The following AGO2 variants were observed in gnomAD, a reference collection of about 807,000 sequenced individuals.
The protein encoded by AGO2 is protein argonaute-2.
A neutral mutation model predicts 102.3 loss-of-function variants in AGO2; 5 were observed. The ratio of observed to expected loss-of-function variants is 0.05; its 90% CI spans 0.03 to 0.10. AGO2 has a LOEUF of 0.10. Ranked by LOEUF, AGO2 falls within the 10% of genes least tolerant of loss-of-function variation. AGO2 has a pLI of 1.00. For synonymous variants in AGO2, 449 were observed against 473.1 expected, an observed-to-expected ratio of 0.95 and a Z score of 0.66; for missense variants, 541 against 1,183.7, an observed-to-expected ratio of 0.46 and a Z score of 7.97.
intron 2 of AGO2, among the ~76,000 whole-genome samples, chr8:140,576,254 C>T (rs1443098862): frequency 2.6e-5 from 4 of 152,288 alleles, no homozygotes; most frequent in South Asian, 4.1e-4. Flanking sequence ...GCAGAGGTTG[C>T]AGTGAGCCGA....
chr8:140,553,558 G>T (rs1294281112), intron 10 of AGO2, among the ~76,000 whole-genome samples: 2 of 140,608 alleles, frequency 1.4e-5, no homozygotes, highest in African/African-American at 5.3e-5. Context: ...TACAGGCATA[G>T]GCCACCACAC....
In AGO2 at chr8:140,530,076, A is replaced by AT. The variant is rs2072562975; in HGVS notation, c.*1967dup. 7.2e-6 allele frequency: 1 copy of AT among 138,234 alleles called. No individual in the cohort carries two copies. The highest frequency in any genetic ancestry group is 7.1e-5 in the Admixed American group (1 of 14,114). 8.6% of individuals were successfully genotyped at this position (138,234 alleles called of 1,614,324 possible). On this transcript the variant is annotated 3_prime_UTR_variant, in exon 19 of 19. Transcript: ENST00000220592. ...ATTTCTTAGAGTGGGAGCTTCTGTC[A>AT]TTTAAAAAGATTAAAAAAAAATACA...
intron 1 of AGO2, among the ~76,000 whole-genome samples, chr8:140,624,309 G>A (rs190198426): frequency 2.6e-5 from 4 of 152,292 alleles, no homozygotes; most frequent in South Asian, 2.1e-4. Flanking sequence ...CAAGCAGGGC[G>A]AGTCCCCATT....
At chr8:140,585,810 T>C (rs1250647556) in intron 1 of AGO2, among the ~76,000 whole-genome samples, 1 of 152,200 alleles carries the variant, frequency 6.6e-6, no homozygotes, top group African/African-American at 2.4e-5. Flanking sequence ...TTCACTCAAA[T>C]GTCTGTTTAA....
rs1222192672 is a variant in AGO2 at position 140,529,629 on chromosome 8, C to CCCAGTCTG, written c.*2407_*2414dup. 1 of 152,196 alleles carries CCCAGTCTG rather than the reference C, an allele frequency of 6.6e-6. No homozygotes were observed. The highest frequency in any genetic ancestry group is 1.5e-5 in the Non-Finnish European group (1 of 68,044). 9.4% of individuals were successfully genotyped at this position (152,196 alleles called of 1,614,324 possible). Reference sequence around the variant, plus strand: ...AATTGTAGTCCTACTTTTCTGCCAGCCCAGTCTGTCTCAGGCATCTGCTCA... The same window carrying CCCAGTCTG: ...AATTGTAGTCCTACTTTTCTGCCAGCCCAGTCTGCCAGTCTGTCTCAGGCATCTGCTCA... On this transcript the variant is annotated 3_prime_UTR_variant, in exon 19 of 19. Transcript: ENST00000220592.
At chr8:140,564,224 C>T (rs573492593) in intron 3 of AGO2, among the ~76,000 whole-genome samples, 4 of 151,944 alleles carry the variant, frequency 2.6e-5, no homozygotes, top group African/African-American at 9.7e-5. Flanking sequence ...ACAGGGGATG[C>T]AGCACAGCTG....
upstream of AGO2, chr8:140,637,252 A>T (rs953420434): frequency 6.6e-6 from 1 of 152,222 alleles, no homozygotes; most frequent in Admixed American, 6.5e-5. Context: ...ATGCAACCTC[A>T]TCAATCTTCC....
intron 1 of AGO2, among the ~76,000 whole-genome samples, chr8:140,613,374 CATTT>C (rs757435117): frequency 8.5e-5 from 13 of 152,214 alleles, no homozygotes; most frequent in Non-Finnish European, 1.5e-4. Flanking sequence ...TTCATAAAAA[CATTT>C]ATATGAATAC....
chr8:140,607,458 TTATA>T (rs1167371585), intron 1 of AGO2, among the ~76,000 whole-genome samples: 181 of 69,438 alleles, frequency 2.6e-3, no homozygotes, highest in South Asian at 3.3e-3. Flanking sequence ...TAAAGAAAAA[TTATA>T]TATATATATA....
rs1454816152 is a variant in AGO2 at position 140,560,515 on chromosome 8, A to G, written c.519-5T>C. On this transcript the variant is annotated splice_region_variant and splice_polypyrimidine_tract_variant and intron_variant, in intron 4 of 18. Transcript: ENST00000220592. ...GAGCGGCCCACGGGGGTGTACCTGG[A>G]ACCAAGAGACCCCACCCCGCCTCCC... is the stretch of plus-strand genomic sequence containing the variant. The G allele has an allele frequency of 3.1e-6, 5 of 1,609,556 alleles. No individual in the cohort carries two copies. In the South Asian group the frequency reaches 5.5e-5, roughly 18 times the overall value.
chr8:140,639,472 C>T (rs1473401545), upstream of AGO2, among the ~76,000 whole-genome samples: 1 of 105,290 alleles, frequency 9.5e-6, no homozygotes, highest in Non-Finnish European at 1.9e-5. Flanking sequence ...CAGAGCGAAA[C>T]TCCATCTGAA....
chr8:140,591,335 T>C (rs2073743757), intron 1 of AGO2, among the ~76,000 whole-genome samples: 1 of 152,120 alleles, frequency 6.6e-6, no homozygotes, highest in African/African-American at 2.4e-5. Context: ...GCAGGGGCTG[T>C]AGAAGGTGCT....
chr8:140,639,921 A>G (rs192268005), upstream of AGO2, among the ~76,000 whole-genome samples: 99 of 152,290 alleles, frequency 6.5e-4, no homozygotes, highest in African/African-American at 2.3e-3. Context: ...GTCTGAATAC[A>G]GGCCACACCT....
At chr8:140,580,017 C>CTCGCAGCCCACCTCCTCT (rs2073530568) in intron 2 of AGO2, among the ~76,000 whole-genome samples, 1 of 152,276 alleles carries the variant, frequency 6.6e-6, no homozygotes, top group African/African-American at 2.4e-5. Context: ...CCACCTCCTC[C>CTCGCAGCCCACCTCCTCT]TCGCAGCCCA....
intron 3 of AGO2, among the ~76,000 whole-genome samples, chr8:140,568,239 G>A (rs1414999932): frequency 3.5e-5 from 5 of 144,126 alleles, no homozygotes; most frequent in African/African-American, 5.2e-5. Flanking sequence ...AGCTGACATC[G>A]TGCTACTGCA....
In AGO2 at chr8:140,540,440, C is replaced by T. The variant is rs974788448; in HGVS notation, c.2034+724G>A. On this transcript the variant is annotated intron_variant, in intron 15 of 18. Coordinates refer to ENST00000220592, the MANE Select transcript of AGO2 (RefSeq NM_012154.5). This position sits in a 1 kb window ranked among gnomAD's most constrained non-coding sequence, Gnocchi z 5.0. ...CCAAGGAAGCGACCGTGTGGCATGGCGAGGGGTGGGGAGGAATCGGCTCTA... is the reference window on the plus strand; with the variant it reads ...CCAAGGAAGCGACCGTGTGGCATGGTGAGGGGTGGGGAGGAATCGGCTCTA... Among the ~76,000 whole-genome samples the T allele has an allele frequency of 1.3e-5, 2 of 152,144 alleles. No individual in the cohort carries two copies. The highest frequency in any genetic ancestry group is 1.5e-5 in the Non-Finnish European group (1 of 68,010).
At chr8:140,572,789 C>T in intron 3 of AGO2, 23 bp downstream of exon 3, 2 of 1,606,182 alleles carry the variant, frequency 1.2e-6, no homozygotes, top group Non-Finnish European at 1.7e-6. Context: ...GTTACTCCAC[C>T]AAGGGCATCC....
Position 140,595,134 on chromosome 8 carries a change from G to A in AGO2, c.23-9823C>T, listed in dbSNP as rs948222458. ...ATTTGTCCTAAGGAAATACCCAGGC[G>A]TCTACACACGAAAAGACTGAGAAGG... On this transcript the variant is annotated intron_variant, in intron 1 of 18. Transcript: ENST00000220592. 1.7e-4 allele frequency among the ~76,000 whole-genome samples: 26 copies of A among 152,066 alleles called. 1 individual carries two copies. Among genetic ancestry groups the A allele is most frequent in the African/African-American group, 2.7e-4 (11 of 41,384 alleles).
At chr8:140,582,607 C>CCTCACAACAGA in intron 2 of AGO2, among the ~76,000 whole-genome samples, 1 of 152,258 alleles carries the variant, frequency 6.6e-6, no homozygotes, top group Admixed American at 6.5e-5. Flanking sequence ...TTTCAACAGA[C>CCTCACAACAGA]CCTTACCTCA....
Sources: allele counts gnomAD v4.1 joint callset (sites outside exome capture counted in the v4.1 genomes callset), GRCh38; gene constraint gnomAD v4.1.1; non-coding constraint Gnocchi (gnomAD v3.1); transcripts MANE v1.5; gene names NCBI Gene and HGNC (gene_info 2026-07-23, HGNC 2026-07-21).